SEPTIN11: variants seen among roughly 807,000 people sequenced by gnomAD.
SEPTIN11 encodes the protein septin-11.
Under a neutral mutation model 51.4 loss-of-function variants are expected in SEPTIN11, and 25 were observed. That is an observed-to-expected ratio of 0.49 (90% CI 0.35 to 0.68). The LOEUF (loss-of-function observed/expected upper bound fraction) is 0.68. Among genes scored for constraint, SEPTIN11 ranks in the 30% least tolerant of loss-of-function variants. The pLI is 0.00. For missense variants in SEPTIN11, 381 were observed against 520.8 expected, an observed-to-expected ratio of 0.73 and a Z score of 2.61; for synonymous variants, 174 against 184.1, an observed-to-expected ratio of 0.95 and a Z score of 0.44.
chr4:77,039,991 C>G (rs1727271128), downstream of SEPTIN11: 1 of 153,092 alleles, frequency 6.5e-6, no homozygotes, highest in Non-Finnish European at 1.5e-5. Context: ...TCACAAGATT[C>G]TGTTTAACAT....
intron 1 of SEPTIN11, among the ~76,000 whole-genome samples, chr4:76,973,447 C>T (rs1722338468): frequency 6.6e-6 from 1 of 152,204 alleles, no homozygotes; most frequent in African/African-American, 2.4e-5. Flanking sequence ...CGCAGCGCAG[C>T]ACAAGGGAGG....
At chr4:76,979,861 A>G (rs1722685041) in intron 1 of SEPTIN11, among the ~76,000 whole-genome samples, 1 of 152,002 alleles carries the variant, frequency 6.6e-6, no homozygotes, top group Admixed American at 6.6e-5. Flanking sequence ...AAAAAAAAAA[A>G]AGTGGGGGCA....
intron 1 of SEPTIN11, among the ~76,000 whole-genome samples, chr4:76,952,656 A>G (rs1246369468): frequency 6.6e-6 from 1 of 152,260 alleles, no homozygotes; most frequent in Non-Finnish European, 1.5e-5. Flanking sequence ...ACTGCAAAAC[A>G]AAGCTTCAAT....
chr4:76,988,934 A>G (rs190001487), intron 1 of SEPTIN11, among the ~76,000 whole-genome samples: 375 of 152,358 alleles, frequency 2.5e-3, no homozygotes, highest in Admixed American at 4.6e-3. Context: ...TCATGGGTCA[A>G]TTAAAACTTG....
chr4:76,971,937 G>T (rs1325703840), intron 1 of SEPTIN11, among the ~76,000 whole-genome samples: 2 of 152,202 alleles, frequency 1.3e-5, no homozygotes, highest in Non-Finnish European at 2.9e-5. Flanking sequence ...ATATGAGGAT[G>T]TAAGCTATTT....
chr4:77,033,419 T>C (rs1172143824), intron 9 of SEPTIN11, among the ~76,000 whole-genome samples: 4 of 152,244 alleles, frequency 2.6e-5, no homozygotes, highest in Non-Finnish European at 4.4e-5. Context: ...TCTAATAGTT[T>C]TAAATTCTCT....
chr4:76,962,985 T>G (rs975493215), intron 1 of SEPTIN11, among the ~76,000 whole-genome samples: 14 of 152,220 alleles, frequency 9.2e-5, no homozygotes, highest in African/African-American at 3.4e-4. Context: ...ACTTGGCTTT[T>G]TGGCCCAAGT....
intron 7 of SEPTIN11, 125 bp from the exon 8 acceptor site, chr4:77,028,504 T>C (rs1278074186): frequency 9.4e-6 from 10 of 1,064,430 alleles, no homozygotes; most frequent in Non-Finnish European, 1.4e-5. Flanking sequence ...ATTCTACTTA[T>C]GCTTTGATCT....
downstream of SEPTIN11, chr4:77,039,753 G>A (rs1265329540): frequency 3.0e-6 from 3 of 984,556 alleles, no homozygotes; most frequent in African/African-American, 5.3e-5. Flanking sequence ...CTGACCATCT[G>A]CCTCTTGAGA....
At chr4:76,983,253 CAT>C (rs1478466127) in intron 1 of SEPTIN11, among the ~76,000 whole-genome samples, 2 of 152,174 alleles carry the variant, frequency 1.3e-5, no homozygotes, top group African/African-American at 2.4e-5. Flanking sequence ...GGATATTTGA[CAT>C]GTGAGAGGGA....
chr4:77,022,436 T>C (rs1456170078), intron 7 of SEPTIN11, among the ~76,000 whole-genome samples: 2 of 152,154 alleles, frequency 1.3e-5, no homozygotes, highest in Non-Finnish European at 2.9e-5. Context: ...AAAAAAATTT[T>C]TTTCCATACT....
At chr4:77,020,132 C>A (rs1207207952) in intron 6 of SEPTIN11, among the ~76,000 whole-genome samples, 2 of 152,150 alleles carry the variant, frequency 1.3e-5, no homozygotes, top group African/African-American at 4.8e-5. Context: ...TGAATCTAGA[C>A]CCTGCTACCT....
intron 1 of SEPTIN11, among the ~76,000 whole-genome samples, chr4:76,985,836 G>A (rs1722998176): frequency 6.6e-6 from 1 of 152,186 alleles, no homozygotes; most frequent in Non-Finnish European, 1.5e-5. Context: ...TATGACTTCT[G>A]TTGAAACAAC....
At chr4:76,975,243 A>G (rs541037789) in intron 1 of SEPTIN11, among the ~76,000 whole-genome samples, 1 of 152,234 alleles carries the variant, frequency 6.6e-6, no homozygotes, top group South Asian at 2.1e-4. Context: ...AAGAATAACT[A>G]ATGCCTTGCG....
Position 77,030,899 on chromosome 4 carries a change from G to T in SEPTIN11, c.1203G>T (p.Ala401=). The T allele has an allele frequency of 6.2e-7, 1 of 1,613,568 alleles. No homozygotes were observed. The highest frequency in any genetic ancestry group is 1.1e-5 in the South Asian group (1 of 91,052). The part of the protein sequence containing the change: ...EVNNFQKKKA[A]AQLLQSQAQQ... Reference sequence around the variant, plus strand: ...ACAACTTCCAGAAGAAGAAAGCAGCGGCTCAGTTACTACAGTCCCAGGCCC... The same window carrying T: ...ACAACTTCCAGAAGAAGAAAGCAGCTGCTCAGTTACTACAGTCCCAGGCCC... The change falls in exon 9 of 10, where the codon GCG becomes GCT. Residue 401 remains alanine, a synonymous_variant. Transcript: ENST00000264893.
At chr4:76,983,997 A>G (rs138186580) in intron 1 of SEPTIN11, among the ~76,000 whole-genome samples, 55 of 152,228 alleles carry the variant, frequency 3.6e-4, no homozygotes, top group African/African-American at 1.1e-3. Context: ...ACAGAGCAAG[A>G]CTCCATTTCA....
Position 77,037,001 on chromosome 4 carries a change from A to G in SEPTIN11, c.*2489A>G. 8.0e-7 allele frequency: 1 copy of G among 1,257,336 alleles called. No individual in the cohort carries two copies. Among genetic ancestry groups the G allele is most frequent in the Middle Eastern group, 2.9e-4 (1 of 3,472 alleles). The allele number at this position is 1,257,336 out of a possible 1,614,324, so 77.9% of individuals were successfully genotyped here. A position where few individuals can be genotyped will look rare whatever the true frequency, so the allele number is the denominator to read the frequency against. On this transcript the variant is annotated 3_prime_UTR_variant, in exon 10 of 10. Coordinates refer to ENST00000264893, the MANE Select transcript of SEPTIN11 (RefSeq NM_018243.4). ...AGACTAAATATATTTAAAAGGCCAC[A>G]TTTATATTTTTTTCACAAGAACCAC...
chr4:77,023,269 T>TATAC (rs1553976964), intron 7 of SEPTIN11, among the ~76,000 whole-genome samples: 434 of 139,248 alleles, frequency 3.1e-3, no homozygotes, highest in African/African-American at 0.011. Flanking sequence ...GGAAAATGTA[T>TATAC]ACACACACAC....
chr4:76,962,191 G>A (rs1012484388), intron 1 of SEPTIN11, among the ~76,000 whole-genome samples: 1 of 152,196 alleles, frequency 6.6e-6, no homozygotes, highest in Non-Finnish European at 1.5e-5. Flanking sequence ...GGAAATTATA[G>A]ATGATGCCTG....
Sources: gnomAD v4.1 joint callset for allele counts (sites outside exome capture counted in the v4.1 genomes callset) on GRCh38, gnomAD v4.1.1 for gene constraint, MANE v1.5 for transcripts, NCBI Gene and HGNC (gene_info 2026-07-23, HGNC 2026-07-21) for gene names.